The following INSR variants were observed in gnomAD, a reference collection of about 807,000 sequenced individuals.
INSR encodes the protein insulin receptor.
INSR carries 67 observed loss-of-function variants against 142.6 expected under a neutral mutation model. The observed-to-expected ratio is 0.47, with a 90% CI of 0.39 to 0.58. INSR has a LOEUF of 0.58. Among genes scored for constraint, INSR ranks in the 20% least tolerant of loss-of-function variants. INSR has a pLI of 0.00. For synonymous variants in INSR, 756 were observed against 743.1 expected, an observed-to-expected ratio of 1.02 and a Z score of -0.28; for missense variants, 1,248 against 1,833.2, an observed-to-expected ratio of 0.68 and a Z score of 5.83.
At position 7,126,314 on chromosome 19, in the gene INSR, G is replaced by A. The variant is rs75695920; in HGVS notation, c.3013+270C>T. On this transcript the variant is annotated intron_variant, in intron 16 of 21. Transcript: ENST00000302850. The stretch of plus-strand genomic sequence containing the variant: ...GAAGCCAGGCAAGACCAGAAGAACT[G>A]CCCAGCTGAGCCCAGCCCAAGTGGT... Among the ~76,000 whole-genome samples the A allele has an allele frequency of 4.1e-3, 620 of 152,304 alleles. 4 individuals carry two copies. Among genetic ancestry groups the A allele is most frequent in the African/African-American group, 0.014 (590 of 41,566 alleles).
chr19:7,242,778 T>C (rs1448433213), intron 2 of INSR, among the ~76,000 whole-genome samples: 1 of 141,164 alleles, frequency 7.1e-6, no homozygotes, highest in Admixed American at 7.1e-5. Context: ...GCAACTCTGG[T>C]GTAATATCAT....
chr19:7,153,186 CCA>C (rs140195352), intron 9 of INSR, among the ~76,000 whole-genome samples: 64 of 25,932 alleles, frequency 2.5e-3, no homozygotes, highest in African/African-American at 4.1e-3. Context: ...AAACACACAA[CCA>C]CACACACACC....
At chr19:7,131,078 C>G (rs954528044) in intron 14 of INSR, among the ~76,000 whole-genome samples, 1 of 151,142 alleles carries the variant, frequency 6.6e-6, no homozygotes, top group African/African-American at 2.4e-5. Context: ...TGGGGTTTCA[C>G]CATGTTGGTC....
At chr19:7,181,856 C>T (rs560239164) in intron 3 of INSR, among the ~76,000 whole-genome samples, 9 of 150,898 alleles carry the variant, frequency 6.0e-5, no homozygotes, top group Non-Finnish European at 1.2e-4. Flanking sequence ...GCTGGGATTA[C>T]AGGCATAAGC....
In INSR at chr19:7,192,231, AGAAG is replaced by A. The variant is rs1204881841; in HGVS notation, c.653-7598_653-7595del. Among the ~76,000 whole-genome samples, 12 of 147,738 alleles carry A rather than the reference AGAAG, an allele frequency of 8.1e-5. No homozygotes were observed. Among genetic ancestry groups the A allele is most frequent in the Admixed American group, 4.1e-4 (6 of 14,586 alleles). ...GAAAGGAGAAAGAAAAGAAAGAGAA[AGAAG>A]GAAGGGAGGGAGGGAAGAAAAGAAA... On this transcript the variant is annotated intron_variant, in intron 2 of 21. Coordinates refer to ENST00000302850, the MANE Select transcript of INSR (RefSeq NM_000208.4). The surrounding 1 kb of genome is among the most constrained non-coding windows in gnomAD (Gnocchi z 4.2).
At position 7,168,254 on chromosome 19, in the gene INSR, G is replaced by A. The variant is rs914916348; in HGVS notation, c.1484-160C>T. The stretch of plus-strand genomic sequence containing the variant: ...CCCATGTGCCTGGCTGAGTATGAAT[G>A]GGGGAAGATTCAAAGGTAAGAGCCA... On this transcript the variant is annotated intron_variant, in intron 6 of 21. Transcript: ENST00000302850. This position sits in a 1 kb window ranked among gnomAD's most constrained non-coding sequence, Gnocchi z 4.3. Among the ~76,000 whole-genome samples the A allele has an allele frequency of 6.6e-6, 1 of 152,102 alleles. No individual in the cohort carries two copies.
At chr19:7,275,493 T>G (rs1181879104) in intron 1 of INSR, among the ~76,000 whole-genome samples, 2 of 151,210 alleles carry the variant, frequency 1.3e-5, no homozygotes, top group African/African-American at 4.9e-5. Context: ...AAAATAAAAT[T>G]CAGTTTCAGC....
At chr19:7,235,183 C>T (rs1398163991) in intron 2 of INSR, among the ~76,000 whole-genome samples, 3 of 152,090 alleles carry the variant, frequency 2.0e-5, no homozygotes, top group Non-Finnish European at 2.9e-5. Flanking sequence ...TCTCCTTTGG[C>T]ACTTATCTGC....
intron 5 of INSR, 49 bp downstream of exon 5, chr19:7,172,241 G>A (rs778899263): frequency 5.0e-6 from 8 of 1,607,054 alleles, no homozygotes; most frequent in Non-Finnish European, 6.8e-6. Flanking sequence ...TCTAATACAC[G>A]AACTTCCTAG....
At chr19:7,171,860 TTTTTTATTTG>T (rs1239502755) in intron 5 of INSR, among the ~76,000 whole-genome samples, 2 of 152,086 alleles carry the variant, frequency 1.3e-5, no homozygotes, top group African/African-American at 4.8e-5. Flanking sequence ...CTTTTATTTG[TTTTTTATTTG>T]TTTTTATTTG....
At chr19:7,186,385 G>A (rs1459353309) in intron 2 of INSR, among the ~76,000 whole-genome samples, 2 of 152,050 alleles carry the variant, frequency 1.3e-5, no homozygotes, top group African/African-American at 4.8e-5. Flanking sequence ...TGACGGAAAT[G>A]TTCTCTATCT....
rs1186577737 is a variant in INSR, at chr19:7,166,979, G to A, written c.1611-575C>T. Among the ~76,000 whole-genome samples the A allele has an allele frequency of 6.6e-6, 1 of 152,004 alleles. No homozygotes were observed. Among genetic ancestry groups the A allele is most frequent in the Non-Finnish European group, 1.5e-5 (1 of 68,008 alleles). ...TGGGACCAGAAGTGTTTTGGATTTT[G>A]GATATTTTGGGGTTTTGAAATATTT... On this transcript the variant is annotated intron_variant, in intron 7 of 21. Coordinates refer to ENST00000302850, the MANE Select transcript of INSR (RefSeq NM_000208.4). The surrounding 1 kb of genome is among the most constrained non-coding windows in gnomAD (Gnocchi z 4.1).
Position 7,160,649 on chromosome 19 carries a change from G to T in INSR, c.2029+2383C>A, listed in dbSNP as rs552538470. ...TAAAAAAGAAGAAGAAAAAGAAAAA[G>T]AAAAAAGTGACAGATGCTTCTCCAG... On this transcript the variant is annotated intron_variant, in intron 9 of 21. Coordinates refer to ENST00000302850, the MANE Select transcript of INSR (RefSeq NM_000208.4). 5.3e-5 allele frequency among the ~76,000 whole-genome samples: 8 copies of T among 151,648 alleles called. No homozygotes were observed. In the South Asian group the frequency reaches 1.0e-3, roughly 20 times the overall value.
intron 2 of INSR, among the ~76,000 whole-genome samples, chr19:7,203,024 C>G (rs1401817029): frequency 1.7e-5 from 2 of 120,578 alleles, no homozygotes; most frequent in African/African-American, 6.8e-5. Flanking sequence ...TCAGATTTAA[C>G]AGATGATTGA....
chr19:7,167,196 G>T (rs574758077), intron 7 of INSR, among the ~76,000 whole-genome samples: 2 of 152,254 alleles, frequency 1.3e-5, no homozygotes, highest in Admixed American at 1.3e-4. Context: ...AATAGCAGGA[G>T]CTCCCTCACA....
intron 1 of INSR, chr19:7,268,571 C>T (rs1204513588): frequency 1.0e-6 from 1 of 985,226 alleles, no homozygotes; most frequent in Non-Finnish European, 1.2e-6. Context: ...ATCCCCTGCA[C>T]ACCACTAAAC....
intron 10 of INSR, among the ~76,000 whole-genome samples, chr19:7,151,637 TC>T (rs1390344934): frequency 6.8e-6 from 1 of 147,836 alleles, no homozygotes; most frequent in African/African-American, 2.5e-5. Flanking sequence ...GCCTTGGCTG[TC>T]CCCCTGAACA....
At chr19:7,184,750 C>G in intron 2 of INSR, 113 bp from the exon 3 acceptor site, 1 of 862,760 alleles carries the variant, frequency 1.2e-6, no homozygotes, top group Non-Finnish European at 1.6e-6. Context: ...AATTCTGGAT[C>G]AGACAGTGAA....
Position 7,152,907 on chromosome 19 carries a change from T to C in INSR, c.2050A>G (p.Thr684Ala). The change falls in exon 10 of 22, where the codon ACC becomes GCC. Residue 684 changes from threonine to alanine, a missense_variant. Physicochemically the swap from Thr to Ala is moderately conservative, Grantham distance 58. This residue lies in a region of INSR where 1,069 missense variants were observed against 1,654.0 expected (regional missense o/e 0.65). Coordinates refer to ENST00000302850, the MANE Select transcript of INSR (RefSeq NM_000208.4). ...TCAGACTCGAATGGTGGAGACCAGG[T>C]CCTCGAGGGCAGCTTCAGCCCTGGA... ...CLKGLKLPSR[T>A]WSPPFESEDS... 6.2e-7 allele frequency: 1 copy of C among 1,611,786 alleles called. No individual in the cohort carries two copies. Among genetic ancestry groups the C allele is most frequent in the Non-Finnish European group, 8.5e-7 (1 of 1,179,698 alleles).
Sources: allele counts gnomAD v4.1 joint callset (sites outside exome capture counted in the v4.1 genomes callset), GRCh38; gene constraint gnomAD v4.1.1; regional missense constraint gnomAD v4.1.1; non-coding constraint Gnocchi (gnomAD v3.1); transcripts MANE v1.5; gene names NCBI Gene and HGNC (gene_info 2026-07-23, HGNC 2026-07-21).